The following PLCXD2 variants were observed in gnomAD, a reference collection of about 807,000 sequenced individuals.
PLCXD2 encodes the protein PI-PLC X domain-containing protein 2.
PLCXD2 carries 21 observed loss-of-function variants against 28.6 expected under a neutral mutation model. The observed-to-expected ratio is 0.73, with a 90% CI of 0.52 to 1.06. The LOEUF (loss-of-function observed/expected upper bound fraction) is 1.06. Among genes scored for constraint, PLCXD2 ranks in the 50% least tolerant of loss-of-function variants. The pLI, the probability that PLCXD2 is intolerant of heterozygous loss-of-function variation, is 0.00. For missense variants in PLCXD2, 369 were observed against 376.7 expected, an observed-to-expected ratio of 0.98 and a Z score of 0.17; for synonymous variants, 140 against 150.1, an observed-to-expected ratio of 0.93 and a Z score of 0.49.
At chr3:111,694,903 C>T (rs978622571) in intron 1 of PLCXD2, among the ~76,000 whole-genome samples, 1 of 152,100 alleles carries the variant, frequency 6.6e-6, no homozygotes, top group Non-Finnish European at 1.5e-5. Context: ...GCTGATTTTG[C>T]CTGTATTGCC....
intron 1 of PLCXD2, among the ~76,000 whole-genome samples, chr3:111,679,430 C>T (rs1219887000): frequency 6.6e-6 from 1 of 152,090 alleles, no homozygotes; most frequent in East Asian, 1.9e-4. Flanking sequence ...TATGTTTTTC[C>T]CATGTGAACA....
chr3:111,714,672 C>T (rs1274585461), intron 3 of PLCXD2, among the ~76,000 whole-genome samples: 1 of 152,102 alleles, frequency 6.6e-6, no homozygotes, highest in African/African-American at 2.4e-5. Context: ...GCAGAAGCTT[C>T]AGTAATTTTG....
In PLCXD2 at chr3:111,708,365, T is replaced by C; in HGVS notation, c.603T>C (p.Thr201=). 1 of 1,613,758 alleles carries C rather than the reference T, an allele frequency of 6.2e-7. No homozygotes were observed. Among genetic ancestry groups the C allele is most frequent in the South Asian group, 1.1e-5 (1 of 91,048 alleles). Residue 201 remains threonine (T), a synonymous_variant, in exon 2 of 5, where the codon ACT becomes ACC. Transcript: ENST00000477665. ...GTGTGGAAAGTTTGACGCTGCGAAC[T>C]CTGTGGGAGAAGAACTGCCAGGTAG...
At position 111,680,526 on chromosome 3, in the gene PLCXD2, T is replaced by C. The variant is rs1940697791; in HGVS notation, c.163+5118T>C. On this transcript the variant is annotated intron_variant, in intron 1 of 4. Coordinates refer to ENST00000477665, the MANE Select transcript of PLCXD2 (RefSeq NM_001185106.1). Reference sequence around the variant, plus strand: ...AGAATCGTTTATTTTTGTTTTGTTTTGCTTTTTCCCCCCTCTGAGTGGCCA... The same window carrying C: ...AGAATCGTTTATTTTTGTTTTGTTTCGCTTTTTCCCCCCTCTGAGTGGCCA... 1.3e-5 allele frequency among the ~76,000 whole-genome samples: 2 copies of C among 152,226 alleles called. 1 individual carries two copies. Among genetic ancestry groups the C allele is most frequent in the South Asian group, 4.1e-4 (2 of 4,826 alleles).
rs920663192 is a variant in PLCXD2 at position 111,712,714 on chromosome 3, G to T, written c.625-1173G>T. On this transcript the variant is annotated intron_variant, in intron 2 of 4. Transcript: ENST00000477665. ...CCAGAGCTCTTGTTCTTGGGTGCCC[G>T]GGAGGATTACCCTCTGTGGCCAACT... Among the ~76,000 whole-genome samples, 6 of 152,172 alleles carry T rather than the reference G, an allele frequency of 3.9e-5. No homozygotes were observed. The South Asian group carries it at 1.0e-3, about 26-fold the overall frequency.
rs1204631373 is a variant in PLCXD2 at position 111,708,063 on chromosome 3, A to C, written c.301A>C (p.Thr101Pro). 3 of 1,614,098 alleles carry C rather than the reference A, an allele frequency of 1.9e-6. No homozygotes were observed. The highest frequency in any genetic ancestry group is 1.3e-5 in the African/African-American group (1 of 74,940). The stretch of plus-strand genomic sequence containing the variant: ...GAAGTGGTCTGTGACTCAGAACCTG[A>C]CATTTCGAGAACAGCTGGAAGCTGG... Residue 101 changes from threonine (T) to proline (P), a missense_variant, in exon 2 of 5, where the codon ACA becomes CCA. Transcript: ENST00000477665.
intron 3 of PLCXD2, 111 bp from the exon 4 acceptor site, chr3:111,720,612 T>C: frequency 2.4e-6 from 1 of 411,150 alleles, no homozygotes; most frequent in Non-Finnish European, 4.4e-6. Flanking sequence ...CTTGTGCTCT[T>C]ATTAACATAT....
At chr3:111,695,014 T>G (rs569279212) in intron 1 of PLCXD2, among the ~76,000 whole-genome samples, 88 of 152,134 alleles carry the variant, frequency 5.8e-4, no homozygotes, top group Non-Finnish European at 1.2e-3. Flanking sequence ...CAGGGTGAAC[T>G]TGAGTGGGAA....
At chr3:111,706,185 A>G (rs180935334) in intron 1 of PLCXD2, among the ~76,000 whole-genome samples, 306 of 152,226 alleles carry the variant, frequency 2.0e-3, no homozygotes, top group African/African-American at 6.9e-3. Flanking sequence ...AGAAATGTCT[A>G]TTTAATTCTT....
At chr3:111,678,632 A>T (rs556688263) in intron 1 of PLCXD2, among the ~76,000 whole-genome samples, 1 of 152,298 alleles carries the variant, frequency 6.6e-6, no homozygotes, top group South Asian at 2.1e-4. Context: ...GGGTTGCAAA[A>T]TTTATTGTTG....
At chr3:111,685,172 CCTCA>C (rs1238465229) in intron 1 of PLCXD2, among the ~76,000 whole-genome samples, 2 of 152,054 alleles carry the variant, frequency 1.3e-5, no homozygotes, top group Non-Finnish European at 2.9e-5. Flanking sequence ...AACCTTCTAC[CCTCA>C]CTAACAGCTA....
intron 2 of PLCXD2, among the ~76,000 whole-genome samples, chr3:111,708,766 G>A (rs992015807): frequency 3.9e-5 from 6 of 152,174 alleles, no homozygotes; most frequent in South Asian, 4.1e-4. Context: ...TCAACTCAAT[G>A]TCAGATAATC....
At chr3:111,681,329 G>A (rs1006446901) in intron 1 of PLCXD2, among the ~76,000 whole-genome samples, 4 of 152,164 alleles carry the variant, frequency 2.6e-5, no homozygotes, top group African/African-American at 9.7e-5. Context: ...GACATCCAGA[G>A]CCTTTGGGAA....
chr3:111,676,623 T>C, intron 1 of PLCXD2: 1 of 152,198 alleles, frequency 6.6e-6, no homozygotes, highest in Non-Finnish European at 1.5e-5. Context: ...TATCAGCCAT[T>C]GACTACAGTT....
chr3:111,726,530 A>G (rs1941418122), intron 3 of PLCXD2: 1 of 152,204 alleles, frequency 6.6e-6, no homozygotes, highest in South Asian at 2.1e-4. Flanking sequence ...GTTTTACAGT[A>G]TGGTGCATGT....
chr3:111,692,286 G>C (rs1296165691), intron 1 of PLCXD2, among the ~76,000 whole-genome samples: 2 of 152,128 alleles, frequency 1.3e-5, no homozygotes, highest in Non-Finnish European at 2.9e-5. Flanking sequence ...CTTGTGATCC[G>C]CCCGCCTCGG....
chr3:111,714,092 G>T lies in PLCXD2; in HGVS notation c.830G>T (p.Gly277Val). Reference sequence around the variant, plus strand: ...CCCAGAGTGAAGACCATTGCCCGGGGCTTGGTTGGGGGCCTCAAGAACACG... The same window carrying T: ...CCCAGAGTGAAGACCATTGCCCGGGTCTTGGTTGGGGGCCTCAAGAACACG... The change falls in exon 3 of 5, where the codon GGC becomes GTC. Residue 277 changes from glycine (G) to valine (V), a missense_variant. By Grantham distance (109) the Gly-to-Val change is moderately radical. Transcript: ENST00000477665. 1 of 1,614,012 alleles carries T rather than the reference G, an allele frequency of 6.2e-7. No individual in the cohort carries two copies.
At chr3:111,688,376 CA>C (rs1169704927) in intron 1 of PLCXD2, among the ~76,000 whole-genome samples, 1 of 152,196 alleles carries the variant, frequency 6.6e-6, no homozygotes, top group East Asian at 1.9e-4. Context: ...GTGCATGGAG[CA>C]AAGTTCAGGA....
intron 3 of PLCXD2, chr3:111,721,072 C>T: frequency 2.8e-6 from 1 of 363,096 alleles, no homozygotes; most frequent in Non-Finnish European, 4.9e-6. Flanking sequence ...CCAAATGAGA[C>T]TTTTTTTAAA....
Sources: allele counts gnomAD v4.1 joint callset (sites outside exome capture counted in the v4.1 genomes callset), GRCh38; gene constraint gnomAD v4.1.1; transcripts MANE v1.5; gene names NCBI Gene and HGNC (gene_info 2026-07-23, HGNC 2026-07-21).